RTCB: variants seen among roughly 807,000 people sequenced by gnomAD.
RTCB encodes RNA 2',3'-cyclic phosphate and 5'-OH ligase.
RTCB carries 32 observed loss-of-function variants against 58.2 expected under a neutral mutation model. The ratio of observed to expected loss-of-function variants is 0.55; its 90% CI spans 0.41 to 0.74. RTCB has a LOEUF of 0.74. Ranked by LOEUF, RTCB falls within the 30% of genes least tolerant of loss-of-function variation. RTCB has a pLI of 0.00. For missense variants in RTCB, 523 were observed against 639.0 expected, an observed-to-expected ratio of 0.82 and a Z score of 1.96; for synonymous variants, 247 against 218.6, an observed-to-expected ratio of 1.13 and a Z score of -1.15.
chr22:32,406,136 T>A (rs1933415784), intron 4 of RTCB, among the ~76,000 whole-genome samples: 1 of 152,204 alleles, frequency 6.6e-6, no homozygotes, highest in Non-Finnish European at 1.5e-5. Flanking sequence ...AATACCATGA[T>A]GTTTGGTAGG....
chr22:32,401,933 A>G, intron 4 of RTCB, 30 bp from the exon 5 acceptor site: 1 of 1,610,418 alleles, frequency 6.2e-7, no homozygotes, highest in African/African-American at 1.3e-5. Context: ...TAGCAAAACC[A>G]GCTGGTAAGG....
intron 11 of RTCB, among the ~76,000 whole-genome samples, chr22:32,388,902 T>C (rs911925264): frequency 6.6e-6 from 1 of 152,122 alleles, no homozygotes; most frequent in Non-Finnish European, 1.5e-5. Flanking sequence ...CTTCTTTGAA[T>C]GTTCCCTTCA....
chr22:32,403,704 T>C (rs1933375530), intron 4 of RTCB, among the ~76,000 whole-genome samples: 1 of 152,224 alleles, frequency 6.6e-6, no homozygotes, highest in African/African-American at 2.4e-5. Context: ...TGCCTGGGAC[T>C]ATAGGTATTA....
In RTCB at chr22:32,399,777, G is replaced by T; in HGVS notation, c.498-18C>A. 6.2e-7 allele frequency: 1 copy of T among 1,605,700 alleles called. No individual in the cohort carries two copies. ...CCAAGTCTCTGGATAAGTATAAAAGGTGCTAGTCATCTCACAGCAAAGGCA... is the reference window on the plus strand; with the variant it reads ...CCAAGTCTCTGGATAAGTATAAAAGTTGCTAGTCATCTCACAGCAAAGGCA... On this transcript the variant is annotated intron_variant, in intron 5 of 11. Transcript: ENST00000216038.
At chr22:32,406,262 C>CT (rs757779330) in intron 4 of RTCB, among the ~76,000 whole-genome samples, 53 of 152,270 alleles carry the variant, frequency 3.5e-4, no homozygotes, top group Middle Eastern at 3.4e-3. Flanking sequence ...CATGATGAGA[C>CT]TGAGTCATGC....
Position 32,399,624 on chromosome 22 carries a change from C to T in RTCB, c.633G>A (p.Ala211=), listed in dbSNP as rs781354587. The change falls in exon 6 of 12, where the codon GCG becomes GCA. Residue 211 remains alanine, a synonymous_variant. Coordinates refer to ENST00000216038, the MANE Select transcript of RTCB (RefSeq NM_014306.5). ...TTACCTGAGGAAGGCCTCTTTTCTT[C>T]GCCCTTGCAGAAACTTTATTGGGGT... ...QADPNKVSAR[A]KKRGLPQLGT... 1.2e-5 allele frequency: 20 copies of T among 1,612,734 alleles called. No individual in the cohort carries two copies. Among genetic ancestry groups the T allele is most frequent in the African/African-American group, 2.7e-5 (2 of 74,870 alleles).
At chr22:32,399,089 GATAAAC>G (rs1473404180) in intron 6 of RTCB, among the ~76,000 whole-genome samples, 1 of 152,068 alleles carries the variant, frequency 6.6e-6, no homozygotes, top group Non-Finnish European at 1.5e-5. Context: ...GTATGAACCT[GATAAAC>G]ATATTCTATT....
In RTCB at chr22:32,410,478, G is replaced by T. The variant is rs1333047831; in HGVS notation, c.93+1586C>A. 3.3e-5 allele frequency among the ~76,000 whole-genome samples: 5 copies of T among 152,278 alleles called. No individual in the cohort carries two copies. The East Asian group carries it at 7.7e-4, about 24-fold the overall frequency. On this transcript the variant is annotated intron_variant, in intron 1 of 11. Transcript: ENST00000216038. ...CATATGGAAGCACAATTCACGCTTA[G>T]AAGTCAATAGCGTTTTAAGAGCAAT...
intron 4 of RTCB, among the ~76,000 whole-genome samples, chr22:32,405,790 C>CT (rs1160640495): frequency 6.6e-6 from 1 of 152,172 alleles, no homozygotes; most frequent in African/African-American, 2.4e-5. Flanking sequence ...AGAAACAGAA[C>CT]TCTCAAGATG....
At chr22:32,412,034 A>G (rs778080708) in intron 1 of RTCB, 30 bp downstream of exon 1, 33 of 1,561,442 alleles carry the variant, frequency 2.1e-5, no homozygotes, top group Non-Finnish European at 4.4e-6. Flanking sequence ...CGGAGCACGG[A>G]AGGCCCCGCC....
intron 4 of RTCB, among the ~76,000 whole-genome samples, chr22:32,406,391 C>G (rs892083356): frequency 6.6e-6 from 1 of 151,948 alleles, no homozygotes; most frequent in African/African-American, 2.4e-5. Flanking sequence ...GGCACGAACT[C>G]GGCTCACTGC....
At chr22:32,408,297 AT>A in intron 2 of RTCB, 55 bp from the exon 3 acceptor site, 2 of 1,412,504 alleles carry the variant, frequency 1.4e-6, no homozygotes, top group Non-Finnish European at 2.0e-6. Flanking sequence ...TTTAGCATGA[AT>A]TATATTCATG....
In RTCB at chr22:32,412,141, T is replaced by C. The variant is rs757459603; in HGVS notation, c.16A>G (p.Asn6Asp). Residue 6 changes from asparagine (N) to aspartate (D), a missense_variant, in exon 1 of 12, where the codon AAT becomes GAT. Asn to Asp is a conservative substitution (Grantham distance 23). Around this residue, in one of 3 missense-constraint regions of RTCB, gnomAD observed 134 missense variants for 129.9 expected, o/e 1.03. Transcript: ENST00000216038. MSRSYNDELQFLEKIN... is the reference protein window; with the variant it reads MSRSYDDELQFLEKIN... ...TTCTCCAAGAACTGCAGCTCATCAT[T>C]ATAGCTGCGACTCATGGTGGCGAAA... is the stretch of plus-strand genomic sequence containing the variant. 5 of 1,598,124 alleles carry C rather than the reference T, an allele frequency of 3.1e-6. No individual in the cohort carries two copies. The highest frequency in any genetic ancestry group is 1.7e-6 in the Non-Finnish European group (2 of 1,173,612).
Position 32,399,355 on chromosome 22 carries a change from G to A in RTCB, c.654+248C>T, listed in dbSNP as rs141856419. On this transcript the variant is annotated intron_variant, in intron 6 of 11. Coordinates refer to ENST00000216038, the MANE Select transcript of RTCB (RefSeq NM_014306.5). ...GACTAAGTCTTCTTATGTTGCCCAGGCTGGTCTCGAACTCCTGGCCTCAAG... is the reference window on the plus strand; with the variant it reads ...GACTAAGTCTTCTTATGTTGCCCAGACTGGTCTCGAACTCCTGGCCTCAAG... Among the ~76,000 whole-genome samples the A allele has an allele frequency of 5.6e-4, 85 of 151,598 alleles. 1 individual carries two copies. In the East Asian group the frequency reaches 0.016, roughly 28 times the overall value.
At chr22:32,398,533 G>A (rs1354370738) in intron 6 of RTCB, among the ~76,000 whole-genome samples, 1 of 152,044 alleles carries the variant, frequency 6.6e-6, no homozygotes, top group Admixed American at 6.6e-5. Context: ...ATGATGGACT[G>A]ACAGGTGCAG....
chr22:32,406,674 C>T lies in RTCB; in HGVS notation c.328G>A (p.Val110Ile). 1 of 1,610,354 alleles carries T rather than the reference C, an allele frequency of 6.2e-7. No individual in the cohort carries two copies. ...AAFDMNDPEAVVSPGGVGFDI... is the reference protein window; with the variant it reads ...AAFDMNDPEAIVSPGGVGFDI... Reference sequence around the variant, plus strand: ...ACAGTGATCTTACCTGGGGATACTACTGCTTCAGGGTCATTCATATCAAAG... The same window carrying T: ...ACAGTGATCTTACCTGGGGATACTATTGCTTCAGGGTCATTCATATCAAAG... Residue 110 changes from valine (V) to isoleucine (I), a missense_variant, in exon 4 of 12, where the codon GTA becomes ATA. Physicochemically the swap from Val to Ile is conservative, Grantham distance 29. This residue lies in a region of RTCB where 141 missense variants were observed against 216.7 expected (regional missense o/e 0.65). Coordinates refer to ENST00000216038, the MANE Select transcript of RTCB (RefSeq NM_014306.5).
chr22:32,405,936 G>A (rs1427043990), intron 4 of RTCB, among the ~76,000 whole-genome samples: 1 of 152,122 alleles, frequency 6.6e-6, no homozygotes, highest in Non-Finnish European at 1.5e-5. Flanking sequence ...TGTTATCATT[G>A]AATAACAATG....
intron 4 of RTCB, among the ~76,000 whole-genome samples, chr22:32,405,059 G>C (rs373576717): frequency 6.6e-6 from 1 of 152,182 alleles, no homozygotes; most frequent in Admixed American, 6.5e-5. Flanking sequence ...ACCCTGGGGT[G>C]GGGGTGAGGG....
At position 32,412,149 on chromosome 22, in the gene RTCB, C is replaced by A; in HGVS notation, c.8G>T (p.Arg3Leu). 1.9e-6 allele frequency: 3 copies of A among 1,594,430 alleles called. No homozygotes were observed. Among genetic ancestry groups the A allele is most frequent in the Non-Finnish European group, 2.6e-6 (3 of 1,171,806 alleles). MS[R>L]SYNDELQFLE... ...GAACTGCAGCTCATCATTATAGCTG[C>A]GACTCATGGTGGCGAAAACTGTAGC... Residue 3 changes from arginine (R) to leucine (L), a missense_variant, in exon 1 of 12, where the codon CGC becomes CTC. By Grantham distance (102) the Arg-to-Leu change is moderately radical. Coordinates refer to ENST00000216038, the MANE Select transcript of RTCB (RefSeq NM_014306.5).
Sources: gnomAD v4.1 joint callset for allele counts (sites outside exome capture counted in the v4.1 genomes callset) on GRCh38, gnomAD v4.1.1 for gene constraint, gnomAD v4.1.1 regional missense constraint, MANE v1.5 for transcripts, NCBI Gene and HGNC (gene_info 2026-07-23, HGNC 2026-07-21) for gene names.